The following TGFBR3 variants were observed in gnomAD, a reference collection of about 807,000 sequenced individuals.
The protein encoded by TGFBR3 is transforming growth factor beta receptor 3, also known as transforming growth factor beta receptor type 3.
A neutral mutation model predicts 87.9 loss-of-function variants in TGFBR3; 46 were observed. That is an observed-to-expected ratio of 0.52 (90% CI 0.41 to 0.67). The LOEUF (loss-of-function observed/expected upper bound fraction) is 0.67, where lower values mean the gene tolerates loss of function less well. Among genes scored for constraint, TGFBR3 ranks in the 30% least tolerant of loss-of-function variants. The pLI is 0.00. For missense variants in TGFBR3, 866 were observed against 1,041.9 expected (o/e 0.83, Z 2.32); for synonymous variants, 381 against 391.6 (o/e 0.97, Z 0.32).
intron 3 of TGFBR3, among the ~76,000 whole-genome samples, chr1:91,786,749 T>A (rs1267219260): frequency 3.5e-5 from 5 of 143,958 alleles, no homozygotes; most frequent in Non-Finnish European, 7.5e-5. Context: ...AGACTGTGTC[T>A]CCAAAAAAAA....
chr1:91,713,766 T>G (rs944352269), intron 12 of TGFBR3, among the ~76,000 whole-genome samples: 1 of 152,162 alleles, frequency 6.6e-6, no homozygotes, highest in Non-Finnish European at 1.5e-5. Flanking sequence ...CACTTCAGTA[T>G]TTTTGCAATA....
intron 16 of TGFBR3, among the ~76,000 whole-genome samples, chr1:91,685,345 C>T (rs1428029881): frequency 2.8e-5 from 3 of 108,094 alleles, no homozygotes; most frequent in Non-Finnish European, 5.1e-5. Context: ...TTTTGTGAGA[C>T]GGAGTCTCGC....
intron 4 of TGFBR3, among the ~76,000 whole-genome samples, chr1:91,747,766 G>A (rs1673394490): frequency 6.6e-6 from 1 of 152,198 alleles, no homozygotes; most frequent in Non-Finnish European, 1.5e-5. Context: ...GGGTGGGCCT[G>A]ATTCAATCCA....
At position 91,767,418 on chromosome 1, in the gene TGFBR3, G is replaced by T. The variant is rs1450856964; in HGVS notation, c.247-8668C>A. Among the ~76,000 whole-genome samples, 3 of 132,828 alleles carry T rather than the reference G, an allele frequency of 2.3e-5. 1 individual carries two copies. The highest frequency in any genetic ancestry group is 4.9e-5 in the Non-Finnish European group (3 of 60,718). 87.1% of individuals were successfully genotyped at this position (132,828 alleles called of 152,430 possible). ...TAAGACATGAACATTCAAAAACACC[G>T]CACTTGGATTATTGTTAAAAATCAT... is the stretch of plus-strand genomic sequence containing the variant. On this transcript the variant is annotated intron_variant, in intron 3 of 16. Coordinates refer to ENST00000212355, the MANE Select transcript of TGFBR3 (RefSeq NM_003243.5).
At chr1:91,851,850 C>G (rs1033061204) in intron 2 of TGFBR3, among the ~76,000 whole-genome samples, 1 of 152,220 alleles carries the variant, frequency 6.6e-6, no homozygotes, top group Non-Finnish European at 1.5e-5. Flanking sequence ...CTTGACTTGG[C>G]TAACATCACA....
chr1:91,888,924 G>C (rs190170362), upstream of TGFBR3, among the ~76,000 whole-genome samples: 106 of 151,964 alleles, frequency 7.0e-4, no homozygotes, highest in East Asian at 0.019. Flanking sequence ...CTCTGCTGCC[G>C]AGGCTGGAGT....
At chr1:91,800,255 T>TAC (rs67343577) in intron 2 of TGFBR3, among the ~76,000 whole-genome samples, 1,235 of 89,242 alleles carry the variant, frequency 0.014, 16 homozygotes, top group African/African-American at 0.018. Context: ...TATATATATA[T>TAC]ACACACACAC....
chr1:91,717,813 ATG>A (rs1403749425), intron 10 of TGFBR3, among the ~76,000 whole-genome samples: 1 of 151,944 alleles, frequency 6.6e-6, no homozygotes, highest in African/African-American at 2.4e-5. Flanking sequence ...AAAGAAAAAT[ATG>A]TGAGAAAAAA....
chr1:91,755,657 T>TA (rs1359342026), intron 4 of TGFBR3, among the ~76,000 whole-genome samples: 1 of 152,196 alleles, frequency 6.6e-6, no homozygotes, highest in African/African-American at 2.4e-5. Context: ...CTTTCATTGT[T>TA]AGTGTCTAAA....
intron 15 of TGFBR3, 36 bp from the exon 16 acceptor site, chr1:91,695,815 G>A: frequency 6.4e-7 from 1 of 1,561,404 alleles, no homozygotes; most frequent in Non-Finnish European, 8.8e-7. Flanking sequence ...ACAACTTTTT[G>A]GTTAGTCTGC....
At chr1:91,800,497 G>A (rs1675580315) in intron 2 of TGFBR3, among the ~76,000 whole-genome samples, 1 of 150,296 alleles carries the variant, frequency 6.7e-6, no homozygotes, top group African/African-American at 2.4e-5. Flanking sequence ...GTGACAGAGT[G>A]AGACCCTATC....
chr1:91,740,433 T>A (rs1450644754), intron 4 of TGFBR3, among the ~76,000 whole-genome samples: 3 of 149,566 alleles, frequency 2.0e-5, no homozygotes. Context: ...GGCATGATCT[T>A]GGCTCATTGC....
At chr1:91,849,864 C>A (rs549274161) in intron 2 of TGFBR3, among the ~76,000 whole-genome samples, 2 of 151,958 alleles carry the variant, frequency 1.3e-5, no homozygotes, top group African/African-American at 4.8e-5. Context: ...GGGCCGATCA[C>A]GAGGTCAGGA....
intron 4 of TGFBR3, among the ~76,000 whole-genome samples, chr1:91,744,783 T>TA (rs555268879): frequency 0.011 from 1,657 of 152,320 alleles, 18 homozygotes; most frequent in South Asian, 0.023. Flanking sequence ...ATAATCTTTA[T>TA]AAAGCTCGAA....
chr1:91,854,532 G>GC (rs1202397299), intron 2 of TGFBR3, among the ~76,000 whole-genome samples: 1 of 151,796 alleles, frequency 6.6e-6, no homozygotes, highest in Non-Finnish European at 1.5e-5. Context: ...CCTTCCTACA[G>GC]CCCCCTATAA....
At chr1:91,902,201 C>T (rs1679735128) in intron 1 of TGFBR3, among the ~76,000 whole-genome samples, 1 of 151,944 alleles carries the variant, frequency 6.6e-6, no homozygotes, top group African/African-American at 2.4e-5. Flanking sequence ...TTCCAAATCC[C>T]TACTTCTTTT....
intron 4 of TGFBR3, among the ~76,000 whole-genome samples, chr1:91,756,333 C>T (rs570646092): frequency 4.6e-5 from 7 of 152,260 alleles, no homozygotes; most frequent in Admixed American, 3.3e-4. Flanking sequence ...TCACAAGTAA[C>T]TTTAATTAGA....
At chr1:91,837,846 C>T (rs190262347) in intron 2 of TGFBR3, among the ~76,000 whole-genome samples, 1 of 152,156 alleles carries the variant, frequency 6.6e-6, no homozygotes, top group Non-Finnish European at 1.5e-5. Context: ...AATAATTTTA[C>T]AGGCCCAAAA....
At chr1:91,853,050 T>C (rs1037473645) in intron 2 of TGFBR3, among the ~76,000 whole-genome samples, 2 of 151,378 alleles carry the variant, frequency 1.3e-5, no homozygotes, top group African/African-American at 4.9e-5. Context: ...TCCCAGCTAC[T>C]TGGGGGTCTG....
Sources: gnomAD v4.1 joint callset for allele counts (sites outside exome capture counted in the v4.1 genomes callset) on GRCh38, gnomAD v4.1.1 for gene constraint, MANE v1.5 for transcripts, NCBI Gene and HGNC (gene_info 2026-07-23, HGNC 2026-07-21) for gene names.